Variants in FAM20C observed in about 807,000 individuals in gnomAD.
The protein encoded by FAM20C is FAM20C golgi associated secretory pathway kinase.
Under a neutral mutation model 51.5 loss-of-function variants are expected in FAM20C, and 40 were observed. That is an observed-to-expected ratio of 0.78 (90% confidence interval 0.60 to 1.01). The LOEUF (loss-of-function observed/expected upper bound fraction) is 1.01. Ranked by LOEUF, FAM20C falls within the 50% of genes least tolerant of loss-of-function variation. The pLI is 0.00. For missense variants in FAM20C, 861 were observed against 844.7 expected (o/e 1.02, Z -0.24); for synonymous variants, 406 against 380.6 (o/e 1.07, Z -0.78).
intron 3 of FAM20C, among the ~76,000 whole-genome samples, chr7:218,440 G>A (rs965238131): frequency 5.9e-5 from 9 of 152,226 alleles, no homozygotes; most frequent in Non-Finnish European, 1.0e-4. Context: ...CCCCTCTGAC[G>A]GGACTGCACG....
intron 3 of FAM20C, among the ~76,000 whole-genome samples, chr7:244,823 G>T (rs1237579196): frequency 1.3e-5 from 2 of 152,254 alleles, no homozygotes. Context: ...CGTGGAAAGT[G>T]GTCTGTTCTC....
chr7:247,113 G>C (rs1583331642), intron 4 of FAM20C, among the ~76,000 whole-genome samples: 2 of 152,346 alleles, frequency 1.3e-5, no homozygotes, highest in East Asian at 3.9e-4. Context: ...ACCAAAGCAG[G>C]CTTCCTAAGG....
At chr7:214,049 G>A (rs999188755) in intron 3 of FAM20C, among the ~76,000 whole-genome samples, 1 of 152,182 alleles carries the variant, frequency 6.6e-6, no homozygotes, top group Non-Finnish European at 1.5e-5. Context: ...GTCTTGGCCA[G>A]GCACAGTAGC....
intron 3 of FAM20C, among the ~76,000 whole-genome samples, chr7:234,855 C>A (rs1318511810): frequency 6.6e-6 from 1 of 152,158 alleles, no homozygotes. Flanking sequence ...GAGATGAGTC[C>A]CGAGAAGCCC....
rs551702857 is a variant in FAM20C, at chr7:229,727, C to G, written c.864-16688C>G. 1.1e-4 allele frequency among the ~76,000 whole-genome samples: 16 copies of G among 152,334 alleles called. No individual in the cohort carries two copies. In the South Asian group the frequency reaches 1.2e-3, roughly 12 times the overall value. ...ACTGCCAGGGAGAGCCCCGCACCTT[C>G]CAGAGCTCTGCCGGCTGAAAGCCTG... On this transcript the variant is annotated intron_variant, in intron 3 of 9. Transcript: ENST00000313766.
At position 257,245 on chromosome 7, in the gene FAM20C, C is replaced by T. The variant is rs1027562428; in HGVS notation, c.1445+159C>T. On this transcript the variant is annotated intron_variant, in intron 8 of 9. Transcript: ENST00000313766. ...CTCAGAGCCAGATGCAGAGGGCGGC[C>T]CCAGGCCCCAACCAGGAGGGAGGGC... 9.3e-6 allele frequency: 7 copies of T among 754,550 alleles called. 1 individual carries two copies. In the African/African-American group the frequency reaches 1.1e-4, roughly 11 times the overall value. 46.7% of individuals were successfully genotyped at this position (754,550 alleles called of 1,614,324 possible).
At position 255,928 on chromosome 7, in the gene FAM20C, C is replaced by A; in HGVS notation, c.1152C>A (p.Ile384=). The A allele has an allele frequency of 6.5e-7, 1 of 1,536,370 alleles. No homozygotes were observed. The highest frequency in any genetic ancestry group is 8.7e-7 in the Non-Finnish European group (1 of 1,146,838). The change falls in exon 6 of 10, where the codon ATC becomes ATA. Residue 384 remains isoleucine, a synonymous_variant. Transcript: ENST00000313766. ...CCCTGTGCGGGAAGCCAGACCAGAT[C>A]GAGGGCTCGCTGGCGGCCTTCCTGC... ...EHALCGKPDQ[I]EGSLAAFLPD...
chr7:214,863 T>C (rs28455692), intron 3 of FAM20C, among the ~76,000 whole-genome samples: 84,072 of 152,024 alleles, frequency 0.55, 23,906 homozygotes, highest in South Asian at 0.7. Context: ...CGGCTGCCCA[T>C]GACACTGGCT....
chr7:209,099 C>A, intron 3 of FAM20C, 123 bp downstream of exon 3: 1 of 928,880 alleles, frequency 1.1e-6, no homozygotes, highest in Non-Finnish European at 1.7e-6. Flanking sequence ...TGTGGGTGAC[C>A]ACTCTCAACT....
chr7:232,928 C>T (rs1179983748), intron 3 of FAM20C, among the ~76,000 whole-genome samples: 1 of 152,236 alleles, frequency 6.6e-6, no homozygotes, highest in African/African-American at 2.4e-5. Context: ...GACCTCTGGG[C>T]CTGCAGCCCC....
At chr7:210,894 C>T (rs1786675879) in intron 3 of FAM20C, among the ~76,000 whole-genome samples, 1 of 152,176 alleles carries the variant, frequency 6.6e-6, no homozygotes, top group African/African-American at 2.4e-5. Flanking sequence ...GTCTCGTGGG[C>T]ACTCGGTAGC....
chr7:259,445 T>G (rs1183444658), intron 9 of FAM20C, among the ~76,000 whole-genome samples: 2 of 149,656 alleles, frequency 1.3e-5, no homozygotes. Flanking sequence ...TCTCTATCTG[T>G]GTCTGTCTCT....
Position 256,706 on chromosome 7 carries a change from G to T in FAM20C, c.1306G>T (p.Asp436Tyr). The change falls in exon 7 of 10, where the codon GAC becomes TAC. Residue 436 changes from aspartate (D) to tyrosine (Y), a missense_variant. By Grantham distance (160) the Asp-to-Tyr change is radical. Transcript: ENST00000313766. The stretch of plus-strand genomic sequence containing the variant: ...GGAGGTGAAGCAGACACCGCCCTAC[G>T]ACAGCAGCCACCGCATCCTGGACGT... Reference protein sequence around the residue: ...CEEVKQTPPYDSSHRILDVMD... With the variant: ...CEEVKQTPPYYSSHRILDVMD... The T allele has an allele frequency of 6.5e-7, 1 of 1,536,126 alleles. No homozygotes were observed. The highest frequency in any genetic ancestry group is 8.7e-7 in the Non-Finnish European group (1 of 1,146,838).
intron 5 of FAM20C, among the ~76,000 whole-genome samples, chr7:253,466 C>T (rs553348808): frequency 6.6e-6 from 1 of 152,280 alleles, no homozygotes; most frequent in South Asian, 2.1e-4. Context: ...CTGGGTTTGT[C>T]CGCTACCCTG....
At chr7:218,906 C>G (rs138762548) in intron 3 of FAM20C, among the ~76,000 whole-genome samples, 1 of 136,178 alleles carries the variant, frequency 7.3e-6, no homozygotes, top group Admixed American at 7.6e-5. Context: ...GCCCAGGACG[C>G]ACAGATCACT....
At chr7:212,557 G>T (rs895494705) in intron 3 of FAM20C, among the ~76,000 whole-genome samples, 1 of 152,150 alleles carries the variant, frequency 6.6e-6, no homozygotes, top group Non-Finnish European at 1.5e-5. Context: ...AGAGAGCACA[G>T]TGTTTCTCCT....
chr7:209,786 T>C (rs903652219), intron 3 of FAM20C, among the ~76,000 whole-genome samples: 1 of 152,234 alleles, frequency 6.6e-6, no homozygotes, highest in Non-Finnish European at 1.5e-5. Flanking sequence ...CCTGTTTTAA[T>C]CTTGGTGGTA....
At chr7:259,230 G>A (rs1788770692) in intron 9 of FAM20C, among the ~76,000 whole-genome samples, 1 of 149,140 alleles carries the variant, frequency 6.7e-6, no homozygotes, top group African/African-American at 2.6e-5. Flanking sequence ...CCATCCTCCT[G>A]GGTGAGCGGG....
chr7:242,158 A>G (rs1351003217), intron 3 of FAM20C, among the ~76,000 whole-genome samples: 1 of 151,874 alleles, frequency 6.6e-6, no homozygotes, highest in African/African-American at 2.4e-5. Context: ...CCACACGGTG[A>G]GCTCCTGCAG....
Sources: allele counts gnomAD v4.1 joint callset (sites outside exome capture counted in the v4.1 genomes callset), GRCh38; gene constraint gnomAD v4.1.1; transcripts MANE v1.5; gene names NCBI Gene and HGNC (gene_info 2026-07-23, HGNC 2026-07-21).